The following BICRAL variants were observed in gnomAD, a reference collection of about 807,000 sequenced individuals.
The protein encoded by BICRAL is BRD4-interacting chromatin-remodeling complex-associated protein-like.
A neutral mutation model predicts 91.8 loss-of-function variants in BICRAL; 8 were observed. The observed-to-expected ratio is 0.09, with a 90% confidence interval of 0.05 to 0.16. The LOEUF (loss-of-function observed/expected upper bound fraction) is 0.16, where lower values mean the gene tolerates loss of function less well. Ranked by LOEUF, BICRAL falls within the 10% of genes least tolerant of loss-of-function variation. The pLI, the probability that BICRAL is intolerant of heterozygous loss-of-function variation, is 1.00. For missense variants in BICRAL, 1,038 were observed against 1,310.9 expected, an observed-to-expected ratio of 0.79 and a Z score of 3.21; for synonymous variants, 445 against 491.1, an observed-to-expected ratio of 0.91 and a Z score of 1.24.
At chr6:42,789,122 G>A (rs940304719) in intron 1 of BICRAL, among the ~76,000 whole-genome samples, 4 of 152,252 alleles carry the variant, frequency 2.6e-5, no homozygotes, top group Middle Eastern at 3.4e-3. Flanking sequence ...ATCATTACTG[G>A]CTTAAAGTGA....
At chr6:42,827,647 A>G (rs1764342614) in intron 5 of BICRAL, among the ~76,000 whole-genome samples, 2 of 152,202 alleles carry the variant, frequency 1.3e-5, no homozygotes, top group South Asian at 4.1e-4. Context: ...TGGGAGGCCA[A>G]AGCAGGAGGA....
At chr6:42,845,207 T>G (rs1490888845) in intron 6 of BICRAL, among the ~76,000 whole-genome samples, 73 of 35,012 alleles carry the variant, frequency 2.1e-3, no homozygotes, top group African/African-American at 0.012. Context: ...TTTTTTTTTT[T>G]TTTTTTTTTT....
intron 2 of BICRAL, among the ~76,000 whole-genome samples, chr6:42,812,381 C>A (rs1325490357): frequency 4.6e-5 from 7 of 152,020 alleles, no homozygotes. Context: ...TCACTTGAGA[C>A]CAGGGGTTCA....
In BICRAL at chr6:42,857,345, G is replaced by A; in HGVS notation, c.2254+109G>A. ...ACCCCCAGATGGTAGGCAGGTTATT[G>A]TTTTTAATCACAGACCAAACTTGTT... On this transcript the variant is annotated intron_variant, in intron 10 of 12. Coordinates refer to ENST00000314073, the MANE Select transcript of BICRAL (RefSeq NM_001393499.1). The A allele has an allele frequency of 6.9e-6, 6 of 871,046 alleles. No homozygotes were observed. The South Asian group carries it at 1.0e-4, about 15-fold the overall frequency. The allele number at this position is 871,046 out of a possible 1,614,324, so 54.0% of individuals were successfully genotyped here. A position where few individuals can be genotyped will look rare whatever the true frequency, so the allele number is the denominator to read the frequency against.
chr6:42,822,146 C>T, intron 3 of BICRAL, 83 bp downstream of exon 3: 2 of 740,926 alleles, frequency 2.7e-6, no homozygotes, highest in South Asian at 1.7e-5. Context: ...CATATAACAC[C>T]TGATAGGTAT....
intron 1 of BICRAL, among the ~76,000 whole-genome samples, chr6:42,782,327 GTT>G (rs1290370929): frequency 3.4e-5 from 2 of 59,550 alleles, no homozygotes; most frequent in African/African-American, 6.5e-5. Flanking sequence ...CTAAGGCTGT[GTT>G]TTTTTTTTTT....
chr6:42,807,372 A>G (rs1357260345), intron 1 of BICRAL, among the ~76,000 whole-genome samples: 1 of 151,374 alleles, frequency 6.6e-6, no homozygotes, highest in African/African-American at 2.4e-5. Context: ...TTTAGTAGAG[A>G]TGGGGTTTCA....
At chr6:42,757,773 A>G (rs904611267) in intron 1 of BICRAL, among the ~76,000 whole-genome samples, 3 of 152,248 alleles carry the variant, frequency 2.0e-5, no homozygotes, top group African/African-American at 7.2e-5. Context: ...CATCCCTGTG[A>G]TGTACATACT....
intron 1 of BICRAL, among the ~76,000 whole-genome samples, chr6:42,782,411 G>A: frequency 6.8e-6 from 1 of 147,248 alleles, no homozygotes; most frequent in South Asian, 2.2e-4. Flanking sequence ...ACGGAGAAAA[G>A]GGGAATCGAG....
intron 1 of BICRAL, among the ~76,000 whole-genome samples, chr6:42,794,509 C>G (rs1283109468): frequency 6.6e-6 from 1 of 151,626 alleles, no homozygotes; most frequent in Non-Finnish European, 1.5e-5. Context: ...CTCCTGCTTC[C>G]CCTGCCAAGT....
intron 6 of BICRAL, among the ~76,000 whole-genome samples, chr6:42,835,339 G>A (rs1764608361): frequency 1.3e-5 from 2 of 151,862 alleles, no homozygotes; most frequent in South Asian, 2.1e-4. Context: ...ATGTTGGCAA[G>A]GCTGGTCTCA....
In BICRAL at chr6:42,830,160, A is replaced by G. The variant is rs1562483641; in HGVS notation, c.1827A>G (p.Gln609=). The G allele has an allele frequency of 6.2e-6, 10 of 1,613,946 alleles. No individual in the cohort carries two copies. In the Admixed American group the frequency reaches 6.7e-5, roughly 11 times the overall value. Residue 609 remains glutamine (Q), a synonymous_variant, in exon 6 of 13, where the codon CAA becomes CAG. Transcript: ENST00000314073. ...SNTPGTGTQQ[Q]FFCQAQKKCL... ...CACCTGGAACAGGAACCCAGCAACA[A>G]TTCTTCTGCCAGGTAATGCCCTTTC...
chr6:42,818,187 T>C (rs967675894), intron 2 of BICRAL, among the ~76,000 whole-genome samples: 1 of 152,160 alleles, frequency 6.6e-6, no homozygotes, highest in Non-Finnish European at 1.5e-5. Flanking sequence ...TTTCTGTCTT[T>C]GCCAATCTGA....
intron 1 of BICRAL, among the ~76,000 whole-genome samples, chr6:42,757,943 A>T (rs1293876220): frequency 6.6e-6 from 1 of 152,194 alleles, no homozygotes; most frequent in Non-Finnish European, 1.5e-5. Flanking sequence ...CTGGCTCCTG[A>T]GTTCAGGCTT....
At chr6:42,798,688 A>C (rs932416340) in intron 1 of BICRAL, among the ~76,000 whole-genome samples, 8 of 152,162 alleles carry the variant, frequency 5.3e-5, no homozygotes, top group African/African-American at 1.7e-4. Flanking sequence ...GTCTCTAAAT[A>C]AATACATAAA....
At chr6:42,800,563 T>C (rs1763536437) in intron 1 of BICRAL, among the ~76,000 whole-genome samples, 1 of 151,904 alleles carries the variant, frequency 6.6e-6, no homozygotes, top group Non-Finnish European at 1.5e-5. Context: ...TTTTCTTTTT[T>C]TTTTGAGACA....
chr6:42,867,178 G>C lies in BICRAL; in HGVS notation c.*1732G>C. ...TTTCCAGATTGGCCTGTGATGGAAA[G>C]GAAGGCTTCTAATTAGAAAACACAG... On this transcript the variant is annotated 3_prime_UTR_variant, in exon 13 of 13. Coordinates refer to ENST00000314073, the MANE Select transcript of BICRAL (RefSeq NM_001393499.1). 1 of 218,784 alleles carries C rather than the reference G, an allele frequency of 4.6e-6. No homozygotes were observed. The highest frequency in any genetic ancestry group is 5.2e-5 in the Admixed American group (1 of 19,280). The allele number at this position is 218,784 out of a possible 1,614,324, so 13.6% of individuals were successfully genotyped here. A position where few individuals can be genotyped will look rare whatever the true frequency, so the allele number is the denominator to read the frequency against.
intron 1 of BICRAL, among the ~76,000 whole-genome samples, chr6:42,771,519 A>T (rs1013355646): frequency 6.6e-6 from 1 of 151,630 alleles, no homozygotes; most frequent in Non-Finnish European, 1.5e-5. Flanking sequence ...GTCCTGTCTG[A>T]AGTGGTAGGG....
chr6:42,766,837 G>A (rs935783953), intron 1 of BICRAL, among the ~76,000 whole-genome samples: 2 of 152,094 alleles, frequency 1.3e-5, no homozygotes, highest in Non-Finnish European at 2.9e-5. Flanking sequence ...TCAGGAGATC[G>A]AGACCATCCT....
Sources: allele counts gnomAD v4.1 joint callset (sites outside exome capture counted in the v4.1 genomes callset), GRCh38; gene constraint gnomAD v4.1.1; transcripts MANE v1.5; gene names NCBI Gene and HGNC (gene_info 2026-07-23, HGNC 2026-07-21).